The following FLYWCH2 variants were observed in gnomAD, a reference collection of about 807,000 sequenced individuals.
FLYWCH2 encodes FLYWCH family member 2.
A neutral mutation model predicts 6.0 loss-of-function variants in FLYWCH2; 2 were observed. The observed-to-expected ratio is 0.33, with a 90% CI of 0.14 to 1.04. The LOEUF (loss-of-function observed/expected upper bound fraction) is 1.04. FLYWCH2 is among the 50% of genes least tolerant of loss of function. The pLI, the probability that FLYWCH2 is intolerant of heterozygous loss-of-function variation, is 0.45. For synonymous variants in FLYWCH2, 87 were observed against 79.3 expected, an observed-to-expected ratio of 1.10 and a Z score of -0.52; for missense variants, 192 against 183.4, an observed-to-expected ratio of 1.05 and a Z score of -0.27.
chr16:2,886,297 T>G (rs1455893769), intron 1 of FLYWCH2, among the ~76,000 whole-genome samples: 1 of 152,042 alleles, frequency 6.6e-6, no homozygotes, highest in Non-Finnish European at 1.5e-5. Context: ...TTCAAGCAAT[T>G]CTCATGCTGC....
At chr16:2,891,026 A>G (rs1244207169) in intron 1 of FLYWCH2, among the ~76,000 whole-genome samples, 1 of 152,192 alleles carries the variant, frequency 6.6e-6, no homozygotes, top group Non-Finnish European at 1.5e-5. Flanking sequence ...AGTTATTTGT[A>G]TCAGCTTGGA....
rs868367260 is a variant in FLYWCH2, at chr16:2,898,771, C to A, written c.323-278C>A. On this transcript the variant is annotated intron_variant, in intron 3 of 3. Transcript: ENST00000396958. ...AACTCCTCCATCCTTCCATCCCCAC[C>A]CCAGGTCCAGCAGAGGCGATGGCTG... 2.4e-4 allele frequency: 79 copies of A among 331,896 alleles called. 1 individual carries two copies. Among genetic ancestry groups the A allele is most frequent in the African/African-American group, 1.6e-3 (75 of 46,632 alleles). The allele number at this position is 331,896 out of a possible 1,614,324, so 20.6% of individuals were successfully genotyped here.
intron 3 of FLYWCH2, 132 bp from the exon 4 acceptor site, chr16:2,898,917 G>T: frequency 1.6e-6 from 1 of 611,876 alleles, no homozygotes; most frequent in Non-Finnish European, 2.7e-6. Flanking sequence ...TCACTTCTCA[G>T]TCAGGCAGAG....
chr16:2,894,697 C>A (rs2069798006), intron 1 of FLYWCH2, among the ~76,000 whole-genome samples: 1 of 152,232 alleles, frequency 6.6e-6, no homozygotes, highest in Non-Finnish European at 1.5e-5. Flanking sequence ...AAGTGCCCAC[C>A]CCCTCGAGAA....
chr16:2,883,624 GCC>G (rs2069665197), intron 1 of FLYWCH2, among the ~76,000 whole-genome samples: 23 of 152,210 alleles, frequency 1.5e-4, no homozygotes, highest in Admixed American at 1.1e-3. Context: ...CCGGTCCCTG[GCC>G]GTGTCCGCCG....
chr16:2,889,439 T>C (rs2069732294), intron 1 of FLYWCH2, among the ~76,000 whole-genome samples: 1 of 151,758 alleles, frequency 6.6e-6, no homozygotes, highest in African/African-American at 2.4e-5. Context: ...CTCAATCTCC[T>C]GACCCTGTGA....
rs200322274 is a variant in FLYWCH2 at position 2,890,228 on chromosome 16, G to GT, written c.-199-4979dup. ...TGCGTGTGTGTGTTTTTTTGTTTTT[G>GT]TTTTTTTTTTTTTGTTTTTGTTGTT... On this transcript the variant is annotated intron_variant, in intron 1 of 3. Coordinates refer to ENST00000396958, the MANE Select transcript of FLYWCH2 (RefSeq NM_138439.3). Among the ~76,000 whole-genome samples the GT allele has an allele frequency of 2.9e-3, 406 of 139,938 alleles. 1 individual carries two copies. Among genetic ancestry groups the GT allele is most frequent in the East Asian group, 7.2e-3 (35 of 4,872 alleles). The allele number at this position is 139,938 out of a possible 152,430, so 91.8% of individuals were successfully genotyped here. A position where few individuals can be genotyped will look rare whatever the true frequency, so the allele number is the denominator to read the frequency against.
rs577771158 is a variant in FLYWCH2 at position 2,895,546 on chromosome 16, C to G, written c.-99+226C>G. Among the ~76,000 whole-genome samples, 261 of 152,338 alleles carry G rather than the reference C, an allele frequency of 1.7e-3. 3 individuals are homozygous for G. Among genetic ancestry groups the G allele is most frequent in the African/African-American group, 5.6e-3 (234 of 41,582 alleles). On this transcript the variant is annotated intron_variant, in intron 2 of 3. Coordinates refer to ENST00000396958, the MANE Select transcript of FLYWCH2 (RefSeq NM_138439.3). ...AGGAGAATGGCATGAACCCGGGAGGCGGAGCTTGCAGTGAGCCAAGATCGT... is the reference window on the plus strand; with the variant it reads ...AGGAGAATGGCATGAACCCGGGAGGGGGAGCTTGCAGTGAGCCAAGATCGT...
chr16:2,896,570 A>C lies in FLYWCH2; in HGVS notation c.121A>C (p.Lys41Gln). 1 of 1,614,176 alleles carries C rather than the reference A, an allele frequency of 6.2e-7. No individual in the cohort carries two copies. The highest frequency in any genetic ancestry group is 8.5e-7 in the Non-Finnish European group (1 of 1,180,010). Reference protein sequence around the residue: ...AAPRKPRKFSKLVLLTASKDS... With the variant: ...AAPRKPRKFSQLVLLTASKDS... ...CCCCAGGAAGCCCAGAAAGTTCTCC[A>C]AACTGGTCCTGCTCACAGCCTCCAA... Residue 41 changes from lysine (K) to glutamine (Q), a missense_variant, in exon 3 of 4, where the codon AAA (lysine) becomes CAA (glutamine). By Grantham distance (53) the Lys-to-Gln change is moderately conservative. Coordinates refer to ENST00000396958, the MANE Select transcript of FLYWCH2 (RefSeq NM_138439.3).
At chr16:2,886,193 T>C (rs1396029630) in intron 1 of FLYWCH2, among the ~76,000 whole-genome samples, 1 of 151,978 alleles carries the variant, frequency 6.6e-6, no homozygotes. Context: ...TATTATTTTT[T>C]TTTTTTAGAC....
At chr16:2,892,661 T>C (rs2150847708) in intron 1 of FLYWCH2, among the ~76,000 whole-genome samples, 1 of 151,840 alleles carries the variant, frequency 6.6e-6, no homozygotes, top group South Asian at 2.1e-4. Context: ...CTGGCCAACA[T>C]GGTGAAACCG....
chr16:2,899,268 CTTT>C lies in FLYWCH2; in HGVS notation c.*134_*136del, dbSNP rs76446842. The stretch of plus-strand genomic sequence containing the variant: ...CTTTTAACATTGTGTGATTTCTTTT[CTTT>C]TTTTTTTTTTTTTTAGATCAAGTAT... On this transcript the variant is annotated 3_prime_UTR_variant, in exon 4 of 4. Coordinates refer to ENST00000396958, the MANE Select transcript of FLYWCH2 (RefSeq NM_138439.3). 3.3e-3 allele frequency: 1,392 copies of C among 422,042 alleles called. No individual in the cohort carries two copies. The highest frequency in any genetic ancestry group is 9.7e-3 in the South Asian group (236 of 24,240). 26.1% of individuals were successfully genotyped at this position (422,042 alleles called of 1,614,324 possible).
chr16:2,894,956 GA>G (rs2069801663), intron 1 of FLYWCH2, among the ~76,000 whole-genome samples: 2 of 152,170 alleles, frequency 1.3e-5, no homozygotes, highest in South Asian at 4.1e-4. Context: ...GGCCCGAGGG[GA>G]AAGTGGGTGT....
At chr16:2,887,978 T>C (rs2069717179) in intron 1 of FLYWCH2, among the ~76,000 whole-genome samples, 1 of 146,934 alleles carries the variant, frequency 6.8e-6, no homozygotes, top group Non-Finnish European at 1.5e-5. Flanking sequence ...AGTTCTATTC[T>C]GTTGATCTCT....
intron 1 of FLYWCH2, among the ~76,000 whole-genome samples, chr16:2,893,525 CTT>C (rs1165941075): frequency 6.6e-6 from 1 of 151,852 alleles, no homozygotes; most frequent in Non-Finnish European, 1.5e-5. Context: ...ATTTTCCTGA[CTT>C]TTCGCTTTGG....
At position 2,896,592 on chromosome 16, in the gene FLYWCH2, C is replaced by G. The variant is rs750581817; in HGVS notation, c.143C>G (p.Ser48Cys). 25 of 1,614,062 alleles carry G rather than the reference C, an allele frequency of 1.5e-5. No individual in the cohort carries two copies. The highest frequency in any genetic ancestry group is 2.1e-5 in the Non-Finnish European group (25 of 1,180,026). ...KFSKLVLLTASKDSTKVAGAK... is the reference protein window; with the variant it reads ...KFSKLVLLTACKDSTKVAGAK... ...TCCAAACTGGTCCTGCTCACAGCCT[C>G]CAAAGACAGCACCAAGGTGGCGGGG... The change falls in exon 3 of 4, where the codon TCC becomes TGC. Residue 48 changes from serine (S) to cysteine (C), a missense_variant. Coordinates refer to ENST00000396958, the MANE Select transcript of FLYWCH2 (RefSeq NM_138439.3).
At chr16:2,890,687 G>T (rs1275524558) in intron 1 of FLYWCH2, among the ~76,000 whole-genome samples, 1 of 151,794 alleles carries the variant, frequency 6.6e-6, no homozygotes, top group African/African-American at 2.4e-5. Flanking sequence ...CTCCCAAAGT[G>T]CTGGGATTAC....
In FLYWCH2 at chr16:2,899,086, G is replaced by T. The variant is rs146456984; in HGVS notation, c.360G>T (p.Gly120=). The T allele has an allele frequency of 6.4e-5, 103 of 1,613,718 alleles. 1 individual carries two copies. The African/African-American group carries it at 1.4e-3, about 21-fold the overall frequency. Residue 120 remains glycine, a synonymous_variant, in exon 4 of 4, where the codon GGG becomes GGT. Transcript: ENST00000396958. ...CAGAAGACAGTGGATTAGCAGCGGG[G>T]CCTCCTGAGGCTGCTGGGGAGAACT... is the stretch of plus-strand genomic sequence containing the variant. The part of the protein sequence containing the change: ...DRTEDSGLAA[G]PPEAAGENFA...
At chr16:2,887,313 C>CTTTTTTTTT (rs71158114) in intron 1 of FLYWCH2, among the ~76,000 whole-genome samples, 41 of 72,502 alleles carry the variant, frequency 5.7e-4, no homozygotes, top group East Asian at 1.6e-3. Context: ...GCCCGGCTTT[C>CTTTTTTTTT]TTTTTTTTTT....
Sources: gnomAD v4.1 joint callset for allele counts (sites outside exome capture counted in the v4.1 genomes callset) on GRCh38, gnomAD v4.1.1 for gene constraint, MANE v1.5 for transcripts, NCBI Gene and HGNC (gene_info 2026-07-23, HGNC 2026-07-21) for gene names.